GRIN2A: variants seen among roughly 807,000 people sequenced by gnomAD.
GRIN2A encodes glutamate ionotropic receptor NMDA type subunit 2A, also known as glutamate receptor ionotropic, NMDA 2A.
GRIN2A carries 22 observed loss-of-function variants against 113.4 expected under a neutral mutation model. The ratio of observed to expected loss-of-function variants is 0.19; its 90% CI spans 0.14 to 0.28. GRIN2A has a LOEUF of 0.28. Among genes scored for constraint, GRIN2A ranks in the 10% least tolerant of loss-of-function variants. The pLI is 1.00. For missense variants in GRIN2A, 1,502 were observed against 1,887.0 expected (o/e 0.80, Z 3.78); for synonymous variants, 827 against 738.4 (o/e 1.12, Z -1.94).
chr16:9,884,815 T>G (rs1353530392), intron 4 of GRIN2A, among the ~76,000 whole-genome samples: 1 of 150,610 alleles, frequency 6.6e-6, no homozygotes, highest in Non-Finnish European at 1.5e-5. Flanking sequence ...AGTGGTGTGA[T>G]CTGGGTTCAC....
At position 9,924,551 on chromosome 16, in the gene GRIN2A, T is replaced by C. The variant is rs1486612964; in HGVS notation, c.1007+13408A>G. Among the ~76,000 whole-genome samples, 8 of 152,362 alleles carry C rather than the reference T, an allele frequency of 5.3e-5. No homozygotes were observed. In the East Asian group the frequency reaches 1.5e-3, roughly 29 times the overall value. On this transcript the variant is annotated intron_variant, in intron 3 of 12. Transcript: ENST00000330684. ...TTATGCTATGTCTTCATATTTCTCA[T>C]TCTCAGGATTTAAGTTTTTTGAACT... is the stretch of plus-strand genomic sequence containing the variant.
intron 2 of GRIN2A, among the ~76,000 whole-genome samples, chr16:10,052,807 G>T (rs923673679): frequency 1.3e-5 from 2 of 152,116 alleles, no homozygotes. Context: ...CAGCACTTTG[G>T]AAGGCCAAGG....
chr16:9,973,379 A>T, intron 2 of GRIN2A, among the ~76,000 whole-genome samples: 1 of 152,234 alleles, frequency 6.6e-6, no homozygotes, highest in Non-Finnish European at 1.5e-5. Flanking sequence ...AACAAGGACA[A>T]CTTGGAGGTT....
intron 2 of GRIN2A, among the ~76,000 whole-genome samples, chr16:9,985,158 G>C (rs906724169): frequency 6.6e-6 from 1 of 151,922 alleles, no homozygotes; most frequent in African/African-American, 2.4e-5. Flanking sequence ...AGTTACGTTG[G>C]GCCCAAACCT....
intron 2 of GRIN2A, among the ~76,000 whole-genome samples, chr16:10,068,178 T>A (rs894630120): frequency 2.0e-5 from 3 of 152,232 alleles, no homozygotes; most frequent in African/African-American, 7.2e-5. Context: ...TTAACCAACA[T>A]GTATTGAGTG....
intron 2 of GRIN2A, among the ~76,000 whole-genome samples, chr16:10,146,265 G>C (rs1334037539): frequency 6.6e-6 from 1 of 152,136 alleles, no homozygotes; most frequent in Non-Finnish European, 1.5e-5. Flanking sequence ...TTACAGGCGT[G>C]TGCTACCACG....
chr16:9,881,149 G>C (rs1001005635), intron 4 of GRIN2A, among the ~76,000 whole-genome samples: 3 of 152,178 alleles, frequency 2.0e-5, no homozygotes, highest in African/African-American at 4.8e-5. Flanking sequence ...TATCTATTGA[G>C]AAAAATCTAG....
At chr16:10,012,294 A>T (rs1446114734) in intron 2 of GRIN2A, among the ~76,000 whole-genome samples, 2 of 152,230 alleles carry the variant, frequency 1.3e-5, no homozygotes, top group African/African-American at 4.8e-5. Flanking sequence ...CATCACTTTT[A>T]AAGAACTTAA....
At chr16:10,104,366 G>A (rs924013166) in intron 2 of GRIN2A, among the ~76,000 whole-genome samples, 2 of 152,160 alleles carry the variant, frequency 1.3e-5, no homozygotes, top group African/African-American at 4.8e-5. Flanking sequence ...GCAAGAAGTT[G>A]AGCCTGGGCA....
At position 9,840,789 on chromosome 16, in the gene GRIN2A, T is replaced by C. The variant is rs1261235589; in HGVS notation, c.1509A>G (p.Gln503=). Residue 503 remains glutamine, a synonymous_variant, in exon 7 of 13, where the codon CAA becomes CAG. Transcript: ENST00000330684. The stretch of plus-strand genomic sequence containing the variant: ...GCGAGCCAACTGCCATGACTGCCCG[T>C]TGATAGACCACCTGGATGCAAGGCA... ...WNGMIGEVVY[Q]RAVMAVGSLT... 58 of 1,603,806 alleles carry C rather than the reference T, an allele frequency of 3.6e-5. No individual in the cohort carries two copies. Among genetic ancestry groups the C allele is most frequent in the Non-Finnish European group, 4.8e-5 (57 of 1,177,378 alleles).
intron 2 of GRIN2A, among the ~76,000 whole-genome samples, chr16:9,989,554 T>C (rs2046059645): frequency 6.6e-6 from 1 of 151,986 alleles, no homozygotes; most frequent in Non-Finnish European, 1.5e-5. Flanking sequence ...CTAGTTAAAC[T>C]AAAGGTCTTC....
intron 2 of GRIN2A, among the ~76,000 whole-genome samples, chr16:10,151,366 G>C (rs1393152313): frequency 6.6e-6 from 1 of 152,178 alleles, no homozygotes; most frequent in Non-Finnish European, 1.5e-5. Flanking sequence ...GACATTGCCA[G>C]TTAGGTGGGG....
At chr16:9,927,352 G>T (rs1458411851) in intron 3 of GRIN2A, among the ~76,000 whole-genome samples, 1 of 152,024 alleles carries the variant, frequency 6.6e-6, no homozygotes, top group Non-Finnish European at 1.5e-5. Context: ...CACCATTATT[G>T]GCCCAAGATG....
intron 3 of GRIN2A, among the ~76,000 whole-genome samples, chr16:9,910,334 T>G: frequency 6.6e-6 from 1 of 151,720 alleles, no homozygotes; most frequent in East Asian, 1.9e-4. Flanking sequence ...ATTATACAGT[T>G]TAAATTGTTA....
At chr16:9,887,569 T>C (rs183631133) in intron 4 of GRIN2A, among the ~76,000 whole-genome samples, 1 of 152,244 alleles carries the variant, frequency 6.6e-6, no homozygotes, top group African/African-American at 2.4e-5. Flanking sequence ...TGTTCATTCA[T>C]TTCCTTGTTG....
intron 2 of GRIN2A, among the ~76,000 whole-genome samples, chr16:9,964,232 G>T (rs2045506133): frequency 6.6e-6 from 1 of 152,196 alleles, no homozygotes; most frequent in South Asian, 2.1e-4. Flanking sequence ...TCATACCATG[G>T]AGCTTACATG....
At chr16:10,103,325 C>T (rs539406493) in intron 2 of GRIN2A, among the ~76,000 whole-genome samples, 1 of 152,274 alleles carries the variant, frequency 6.6e-6, no homozygotes, top group Non-Finnish European at 1.5e-5. Flanking sequence ...GGGAGTGGCT[C>T]TCCTTGCACA....
intron 2 of GRIN2A, among the ~76,000 whole-genome samples, chr16:10,037,678 T>G (rs916192116): frequency 1.3e-5 from 2 of 152,182 alleles, no homozygotes; most frequent in Non-Finnish European, 1.5e-5. Context: ...CAGGCTGGTG[T>G]GCAGCGGAGT....
intron 3 of GRIN2A, among the ~76,000 whole-genome samples, chr16:9,934,731 T>C (rs931761463): frequency 1.3e-5 from 2 of 151,568 alleles, no homozygotes; most frequent in African/African-American, 2.4e-5. Flanking sequence ...TTTGTTTTTT[T>C]GTTTTTAAAT....
Sources: allele counts gnomAD v4.1 joint callset (sites outside exome capture counted in the v4.1 genomes callset), GRCh38; gene constraint gnomAD v4.1.1; transcripts MANE v1.5; gene names NCBI Gene and HGNC (gene_info 2026-07-23, HGNC 2026-07-21).